IRF2: variants seen among roughly 807,000 people sequenced by gnomAD.
The protein encoded by IRF2 is interferon regulatory factor 2.
IRF2 carries 15 observed loss-of-function variants against 40.6 expected under a neutral mutation model. The observed-to-expected ratio is 0.37, with a 90% CI of 0.25 to 0.57. The LOEUF is 0.57. Among genes scored for constraint, IRF2 ranks in the 20% least tolerant of loss-of-function variants. The pLI is 0.77. For synonymous variants in IRF2, 151 were observed against 165.5 expected (o/e 0.91, Z 0.67); for missense variants, 317 against 455.7 (o/e 0.70, Z 2.77).
intron 1 of IRF2, among the ~76,000 whole-genome samples, chr4:184,439,226 A>G (rs1420273138): frequency 6.6e-6 from 1 of 151,970 alleles, no homozygotes; most frequent in Non-Finnish European, 1.5e-5. Flanking sequence ...TGCTACTCCA[A>G]ATACATCATA....
At chr4:184,395,888 C>CTTT (rs1736437472) in intron 7 of IRF2, among the ~76,000 whole-genome samples, 2 of 152,240 alleles carry the variant, frequency 1.3e-5, no homozygotes, top group African/African-American at 4.8e-5. Context: ...CTGCATGGAT[C>CTTT]TGCTGTTCTC....
Position 184,389,048 on chromosome 4 carries a change from T to C in IRF2, c.760A>G (p.Lys254Glu), listed in dbSNP as rs773093316. 5 of 1,614,196 alleles carry C rather than the reference T, an allele frequency of 3.1e-6. No homozygotes were observed. The South Asian group carries it at 3.3e-5, about 11-fold the overall frequency. ...TACTGTTTGCCTTCAATATTCCTCT[T>C]CCGCCAGTGTGGCCGCCCCTTTCAA... is the stretch of plus-strand genomic sequence containing the variant. ...ESAEGRPHWRKRNIEGKQYLS... is the reference protein window; with the variant it reads ...ESAEGRPHWRERNIEGKQYLS... Residue 254 changes from lysine (K) to glutamate (E), a missense_variant, in exon 9 of 9, where the codon AAG (lysine) becomes GAG (glutamate). Around this residue, in one of 2 missense-constraint regions of IRF2, gnomAD observed 262 missense variants for 334.0 expected, o/e 0.78. Coordinates refer to ENST00000393593, the MANE Select transcript of IRF2 (RefSeq NM_002199.4).
intron 1 of IRF2, among the ~76,000 whole-genome samples, chr4:184,467,919 A>C (rs1041225145): frequency 5.3e-5 from 8 of 152,218 alleles, no homozygotes; most frequent in African/African-American, 1.9e-4. Context: ...CAAAATCCTA[A>C]ATTAAGGTAT....
chr4:184,430,197 C>T (rs1240482151), intron 1 of IRF2, among the ~76,000 whole-genome samples: 1 of 152,144 alleles, frequency 6.6e-6, no homozygotes, highest in Admixed American at 6.5e-5. Context: ...TCCTCTATTC[C>T]CTGCGCCCAG....
chr4:184,419,705 T>A, intron 2 of IRF2, 137 bp from the exon 3 acceptor site: 1 of 638,128 alleles, frequency 1.6e-6, no homozygotes, highest in South Asian at 1.9e-5. Flanking sequence ...GACAAGAAAA[T>A]CTACTGTAAA....
intron 2 of IRF2, among the ~76,000 whole-genome samples, chr4:184,424,515 T>C (rs897336988): frequency 6.6e-6 from 1 of 152,054 alleles, no homozygotes; most frequent in Non-Finnish European, 1.5e-5. Flanking sequence ...AGGGGTAGGA[T>C]TGTGGCTTTT....
chr4:184,446,541 C>G (rs991651204), intron 1 of IRF2, among the ~76,000 whole-genome samples: 3 of 152,142 alleles, frequency 2.0e-5, no homozygotes, highest in African/African-American at 7.2e-5. Context: ...TATTATATAC[C>G]AGGGTAATGG....
chr4:184,388,519 GAGTGAGT>G lies in IRF2; in HGVS notation c.*232_*238del. The G allele has an allele frequency of 2.0e-6, 1 of 505,308 alleles. No individual in the cohort carries two copies. The highest frequency in any genetic ancestry group is 3.4e-6 in the Non-Finnish European group (1 of 289,896). 31.3% of individuals were successfully genotyped at this position (505,308 alleles called of 1,614,324 possible). A position where few individuals can be genotyped will look rare whatever the true frequency, so the allele number is the denominator to read the frequency against. On this transcript the variant is annotated 3_prime_UTR_variant, in exon 9 of 9. Transcript: ENST00000393593. This position sits in a 1 kb window ranked among gnomAD's most constrained non-coding sequence, Gnocchi z 4.6. ...ACTGCCCTTGTTGGTCCTTGAACTT[GAGTGAGT>G]AGCCCTGGGAGATCCAGCAGGCTCT...
At chr4:184,460,886 A>G (rs2149917095) in intron 1 of IRF2, among the ~76,000 whole-genome samples, 1 of 152,342 alleles carries the variant, frequency 6.6e-6, no homozygotes, top group Non-Finnish European at 1.5e-5. Flanking sequence ...GTGGGGAAGC[A>G]AACAAAGGAA....
chr4:184,447,434 T>C (rs1037655733), intron 1 of IRF2, among the ~76,000 whole-genome samples: 2 of 152,198 alleles, frequency 1.3e-5, no homozygotes, highest in East Asian at 3.8e-4. Flanking sequence ...ACTTAGAAGA[T>C]CAACATTTGG....
Position 184,408,760 on chromosome 4 carries a change from A to G in IRF2, c.412-485T>C, listed in dbSNP as rs1736961290. Among the ~76,000 whole-genome samples, 1 of 152,218 alleles carries G rather than the reference A, an allele frequency of 6.6e-6. No individual in the cohort carries two copies. On this transcript the variant is annotated intron_variant, in intron 5 of 8. Transcript: ENST00000393593. This position sits in a 1 kb window ranked among gnomAD's most constrained non-coding sequence, Gnocchi z 4.9. ...AGAACAGGAGCCCAGAGGACATTGT[A>G]GATGAATTCTCTGCAGATAAGTTTT...
In IRF2 at chr4:184,448,605, A is replaced by C. The variant is rs753034494; in HGVS notation, c.-6-19535T>G. On this transcript the variant is annotated intron_variant, in intron 1 of 8. Coordinates refer to ENST00000393593, the MANE Select transcript of IRF2 (RefSeq NM_002199.4). The surrounding 1 kb of genome is among the most constrained non-coding windows in gnomAD (Gnocchi z 4.3). ...AAGTTATTTATGTTTTATATTTTAAAGCACAGAATTGGTTTCCAAGTCACT... is the reference window on the plus strand; with the variant it reads ...AAGTTATTTATGTTTTATATTTTAACGCACAGAATTGGTTTCCAAGTCACT... The C allele has an allele frequency of 2.6e-5, 4 of 152,216 alleles. No homozygotes were observed. Among genetic ancestry groups the C allele is most frequent in the African/African-American group, 7.2e-5 (3 of 41,446 alleles). The allele number at this position is 152,216 out of a possible 1,614,324, so 9.4% of individuals were successfully genotyped here.
At chr4:184,443,028 C>T (rs550842380) in intron 1 of IRF2, among the ~76,000 whole-genome samples, 5 of 152,232 alleles carry the variant, frequency 3.3e-5, no homozygotes, top group East Asian at 1.9e-4. Flanking sequence ...CAGGTTCAAG[C>T]GATTCTCCTG....
At chr4:184,450,154 C>T (rs1738665093) in intron 1 of IRF2, among the ~76,000 whole-genome samples, 1 of 152,186 alleles carries the variant, frequency 6.6e-6, no homozygotes, top group African/African-American at 2.4e-5. Flanking sequence ...CTTAATCCAA[C>T]ACAGTTAATA....
At chr4:184,464,112 A>G (rs958567620) in intron 1 of IRF2, among the ~76,000 whole-genome samples, 1 of 152,220 alleles carries the variant, frequency 6.6e-6, no homozygotes, top group African/African-American at 2.4e-5. Context: ...GAAGATAGAC[A>G]ATGTACAGCA....
intron 1 of IRF2, among the ~76,000 whole-genome samples, chr4:184,460,636 T>TGTGC (rs1579113300): frequency 6.9e-6 from 1 of 145,860 alleles, no homozygotes; most frequent in East Asian, 2.0e-4. Flanking sequence ...CACACACGCA[T>TGTGC]GCACGCACAC....
At chr4:184,409,613 G>T (rs918025466) in intron 5 of IRF2, among the ~76,000 whole-genome samples, 4 of 152,050 alleles carry the variant, frequency 2.6e-5, no homozygotes, top group Non-Finnish European at 5.9e-5. Flanking sequence ...CCTTTTCTTG[G>T]GCCAAGCACG....
At chr4:184,457,822 A>G (rs1738998801) in intron 1 of IRF2, among the ~76,000 whole-genome samples, 7 of 150,032 alleles carry the variant, frequency 4.7e-5, no homozygotes, top group Admixed American at 4.1e-4. Flanking sequence ...GCACAGGGGA[A>G]AATGTTCCAA....
At chr4:184,468,142 G>C (rs527449975) in intron 1 of IRF2, among the ~76,000 whole-genome samples, 151 of 152,272 alleles carry the variant, frequency 9.9e-4, no homozygotes, top group Non-Finnish European at 1.6e-3. Context: ...TGGCCTTCCT[G>C]GACAAAGAGA....
Sources: gnomAD v4.1 joint callset for allele counts (sites outside exome capture counted in the v4.1 genomes callset) on GRCh38, gnomAD v4.1.1 for gene constraint, gnomAD v4.1.1 regional missense constraint, Gnocchi (gnomAD v3.1) non-coding constraint, MANE v1.5 for transcripts, NCBI Gene and HGNC (gene_info 2026-07-23, HGNC 2026-07-21) for gene names.